Variants in FUBP1 observed in about 807,000 individuals in gnomAD.
The protein encoded by FUBP1 is far upstream element-binding protein 1.
Under a neutral mutation model 94.9 loss-of-function variants are expected in FUBP1, and 16 were observed. The observed-to-expected ratio is 0.17, with a 90% CI of 0.11 to 0.26. The LOEUF is 0.26. FUBP1 is among the 10% of genes least tolerant of loss of function. The probability of loss-of-function intolerance (pLI) is 1.00; values close to 1 mark genes in which losing one functional copy is unlikely to be tolerated. For missense variants in FUBP1, 583 were observed against 808.6 expected (o/e 0.72, Z 3.38); for synonymous variants, 279 against 254.9 (o/e 1.09, Z -0.90).
chr1:77,960,090 T>A (rs1232650452), intron 16 of FUBP1, 94 bp downstream of exon 16: 15 of 850,450 alleles, frequency 1.8e-5, no homozygotes, highest in Non-Finnish European at 2.7e-5. Context: ...GTGAAGGTGA[T>A]GCATACAAAT....
chr1:77,949,655 T>G (rs574347417), intron 18 of FUBP1, among the ~76,000 whole-genome samples: 1 of 152,172 alleles, frequency 6.6e-6, no homozygotes, highest in South Asian at 2.1e-4. Context: ...TCATTATTAG[T>G]AAAAAAACAG....
chr1:77,950,519 CAAAA>C (rs1653229803), intron 18 of FUBP1, among the ~76,000 whole-genome samples: 1 of 152,050 alleles, frequency 6.6e-6, no homozygotes, highest in South Asian at 2.1e-4. Flanking sequence ...GGTTCATACA[CAAAA>C]AACATACATA....
At chr1:77,976,901 C>T (rs1416003736) in intron 1 of FUBP1, among the ~76,000 whole-genome samples, 3 of 152,166 alleles carry the variant, frequency 2.0e-5, no homozygotes, top group African/African-American at 7.2e-5. Context: ...CATCTTCTAG[C>T]GACTTCACTT....
chr1:77,973,314 G>A (rs1657944353), intron 1 of FUBP1, among the ~76,000 whole-genome samples: 1 of 152,002 alleles, frequency 6.6e-6, no homozygotes, highest in South Asian at 2.1e-4. Context: ...GGCGTGATCT[G>A]GGCTCACTGC....
At chr1:77,963,999 T>A in intron 12 of FUBP1, 63 bp downstream of exon 12, 1 of 1,006,716 alleles carries the variant, frequency 9.9e-7, no homozygotes, top group Admixed American at 1.7e-5. Flanking sequence ...TAACTTCAGA[T>A]TTCATGAAGG....
chr1:77,951,608 G>C (rs375139443), intron 18 of FUBP1, among the ~76,000 whole-genome samples: 1 of 152,114 alleles, frequency 6.6e-6, no homozygotes, highest in South Asian at 2.1e-4. Context: ...CAGTGGCAGT[G>C]GTGTGATCAT....
intron 16 of FUBP1, among the ~76,000 whole-genome samples, chr1:77,958,650 T>G (rs961613430): frequency 5.3e-5 from 8 of 152,208 alleles, no homozygotes; most frequent in African/African-American, 1.9e-4. Flanking sequence ...GCTCTTACAG[T>G]AGTGACTTCA....
intron 18 of FUBP1, among the ~76,000 whole-genome samples, chr1:77,952,262 A>T (rs1323377358): frequency 6.6e-6 from 1 of 151,982 alleles, no homozygotes; most frequent in Non-Finnish European, 1.5e-5. Context: ...AAAAAAAAAT[A>T]AAATAAAAAT....
Position 77,960,221 on chromosome 1 carries a change from T to C in FUBP1, c.1539A>G (p.Ala513=), listed in dbSNP as rs145571406. 2 of 1,612,778 alleles carry C rather than the reference T, an allele frequency of 1.2e-6. No homozygotes were observed. The highest frequency in any genetic ancestry group is 1.3e-5 in the African/African-American group (1 of 74,842). The change falls in exon 16 of 20, where the codon GCA becomes GCG. Residue 513 remains alanine, a synonymous_variant. Transcript: ENST00000370768. ...APYAPQGWGN[A]YPHWQQQAPP... ...GAGCCTGCTGCTGCCAGTGTGGATATGCATTTCCCCATCCCTGGGGAGCAT... is the reference window on the plus strand; with the variant it reads ...GAGCCTGCTGCTGCCAGTGTGGATACGCATTTCCCCATCCCTGGGGAGCAT...
At chr1:77,965,353 T>G (rs969978793) in intron 7 of FUBP1, 122 bp from the exon 8 acceptor site, 2 of 508,480 alleles carry the variant, frequency 3.9e-6, no homozygotes, top group African/African-American at 3.8e-5. Flanking sequence ...GGTGCCTTGA[T>G]GCTAACTTTA....
chr1:77,969,123 C>G, intron 2 of FUBP1: 1 of 795,398 alleles, frequency 1.3e-6, no homozygotes, highest in Non-Finnish European at 1.9e-6. Context: ...CATACAACAT[C>G]TGAAGCATCA....
In FUBP1 at chr1:77,964,859, G is replaced by T; in HGVS notation, c.735+11C>A. 1 of 1,570,710 alleles carries T rather than the reference G, an allele frequency of 6.4e-7. No homozygotes were observed. Among genetic ancestry groups the T allele is most frequent in the Non-Finnish European group, 8.8e-7 (1 of 1,140,602 alleles). ...CCACTCTTTCTTTATAAAGTATAAA[G>T]TTAAGTTTACTTGAACTTTATATGG... On this transcript the variant is annotated intron_variant, in intron 9 of 19. Transcript: ENST00000370768.
intron 1 of FUBP1, among the ~76,000 whole-genome samples, chr1:77,972,377 C>CACTT (rs1355958022): frequency 1.3e-5 from 2 of 152,118 alleles, no homozygotes; most frequent in Non-Finnish European, 2.9e-5. Flanking sequence ...AACTCCAAGA[C>CACTT]ACTTCTATAC....
At position 77,944,563 on chromosome 1, in the gene FUBP1, C is replaced by T. The variant is rs1439604904; in HGVS notation, c.*4203G>A. Among the ~76,000 whole-genome samples, 1 of 151,718 alleles carries T rather than the reference C, an allele frequency of 6.6e-6. No homozygotes were observed. The highest frequency in any genetic ancestry group is 1.5e-5 in the Non-Finnish European group (1 of 67,806). ...GCATTTTAAAGTGAGGCAGAGTTTG[C>T]AGAAAATAAAAACAAGACATCCTCA... On this transcript the variant is annotated 3_prime_UTR_variant, in exon 20 of 20. Transcript: ENST00000370768.
At chr1:77,965,965 C>T (rs768764182) in intron 7 of FUBP1, among the ~76,000 whole-genome samples, 3 of 152,178 alleles carry the variant, frequency 2.0e-5, no homozygotes, top group Non-Finnish European at 4.4e-5. Context: ...TGCAGTGAGC[C>T]GAGATCGTGC....
chr1:77,966,855 C>T (rs1171734782), intron 6 of FUBP1, 29 bp downstream of exon 6: 7 of 1,425,112 alleles, frequency 4.9e-6, no homozygotes, highest in Non-Finnish European at 4.9e-6. Flanking sequence ...TCTAGTCACA[C>T]TGAAAATACC....
At chr1:77,961,769 G>A (rs1655523583) in intron 14 of FUBP1, among the ~76,000 whole-genome samples, 2 of 152,146 alleles carry the variant, frequency 1.3e-5, no homozygotes, top group East Asian at 3.8e-4. Context: ...GGCTAATACT[G>A]TAAAATAAAA....
At chr1:77,977,525 CAAACA>C (rs374439256) in intron 1 of FUBP1, among the ~76,000 whole-genome samples, 3 of 152,134 alleles carry the variant, frequency 2.0e-5, no homozygotes, top group Non-Finnish European at 2.9e-5. Flanking sequence ...GACTCCGTCT[CAAACA>C]AAACAAAACA....
At chr1:77,952,940 C>G (rs889597935) in intron 18 of FUBP1, among the ~76,000 whole-genome samples, 1 of 151,518 alleles carries the variant, frequency 6.6e-6, no homozygotes, top group South Asian at 2.1e-4. Flanking sequence ...GAGTTCGAGA[C>G]CAGCCTGGCC....
Sources: gnomAD v4.1 joint callset for allele counts (sites outside exome capture counted in the v4.1 genomes callset) on GRCh38, gnomAD v4.1.1 for gene constraint, MANE v1.5 for transcripts, NCBI Gene and HGNC (gene_info 2026-07-23, HGNC 2026-07-21) for gene names.